The following PSMC6 variants were observed in gnomAD, a reference collection of about 807,000 sequenced individuals.
PSMC6 encodes 26S proteasome regulatory subunit 10B.
A neutral mutation model predicts 55.9 loss-of-function variants in PSMC6; 3 were observed. The observed-to-expected ratio is 0.05, with a 90% CI of 0.02 to 0.14. PSMC6 has a LOEUF of 0.14. Among genes scored for constraint, PSMC6 ranks in the 10% least tolerant of loss-of-function variants. The pLI is 1.00. For synonymous variants in PSMC6, 137 were observed against 155.9 expected, an observed-to-expected ratio of 0.88 and a Z score of 0.90; for missense variants, 210 against 478.7, an observed-to-expected ratio of 0.44 and a Z score of 5.24.
chr14:52,715,619 C>CT lies in PSMC6; in HGVS notation c.529+1665dup, dbSNP rs35579887. 6.9e-3 allele frequency among the ~76,000 whole-genome samples: 974 copies of CT among 140,950 alleles called. 6 individuals are homozygous for CT. The highest frequency in any genetic ancestry group is 0.015 in the African/African-American group (585 of 38,744). The allele number at this position is 140,950 out of a possible 152,430, so 92.5% of individuals were successfully genotyped here. ...GCTTTTTCTTTTTTTCTTTTCTTTT[C>CT]TTTTTTTTTTTTTTGATAAGGTGTT... On this transcript the variant is annotated intron_variant, in intron 7 of 13. Coordinates refer to ENST00000445930, the MANE Select transcript of PSMC6 (RefSeq NM_002806.5).
At position 52,708,347 on chromosome 14, in the gene PSMC6, A is replaced by C. The variant is rs1252120720; in HGVS notation, c.124A>C (p.Lys42Gln). 6.2e-7 allele frequency: 1 copy of C among 1,613,312 alleles called. No individual in the cohort carries two copies. The highest frequency in any genetic ancestry group is 8.5e-7 in the Non-Finnish European group (1 of 1,179,286). Residue 42 changes from lysine (K) to glutamine (Q), a missense_variant, in exon 2 of 14, where the codon AAG becomes CAG. This residue lies in a region of PSMC6 where 101 missense variants were observed against 250.4 expected (regional missense o/e 0.40). Transcript: ENST00000445930. Reference protein sequence around the residue: ...QLKELTKQYEKSENDLKALQS... With the variant: ...QLKELTKQYEQSENDLKALQS... ...AAAAGAACTTACCAAGCAGTATGAA[A>C]AGTCTGAAAATGATCTGAAGGCCCT... is the stretch of plus-strand genomic sequence containing the variant.
At chr14:52,718,022 C>G in intron 7 of PSMC6, 59 bp from the exon 8 acceptor site, 1 of 1,545,366 alleles carries the variant, frequency 6.5e-7, no homozygotes, top group Non-Finnish European at 8.9e-7. Flanking sequence ...GATTGCCTGT[C>G]TCAAAACAAA....
Position 52,727,893 on chromosome 14 carries a change from G to C in PSMC6, c.*276G>C, listed in dbSNP as rs912371298. ...TTTTGTAAAATATTGAAAGTGGTTT[G>C]AGATAGTGGTATAAGAAAGCATTTC... On this transcript the variant is annotated 3_prime_UTR_variant, in exon 14 of 14. Transcript: ENST00000445930. The C allele has an allele frequency of 1.4e-5, 4 of 280,696 alleles. No individual in the cohort carries two copies. Among genetic ancestry groups the C allele is most frequent in the Non-Finnish European group, 2.0e-5 (3 of 147,078 alleles). The allele number at this position is 280,696 out of a possible 1,614,324, so 17.4% of individuals were successfully genotyped here.
At position 52,727,803 on chromosome 14, in the gene PSMC6, T is replaced by C. The variant is rs1880482374; in HGVS notation, c.*186T>C. The C allele has an allele frequency of 6.8e-6, 3 of 443,868 alleles. No homozygotes were observed. The highest frequency in any genetic ancestry group is 2.0e-5 in the African/African-American group (1 of 49,862). 27.5% of individuals were successfully genotyped at this position (443,868 alleles called of 1,614,324 possible). On this transcript the variant is annotated 3_prime_UTR_variant, in exon 14 of 14. Coordinates refer to ENST00000445930, the MANE Select transcript of PSMC6 (RefSeq NM_002806.5). ...GAAGAAATTTGTATGTTTGTTAAAG[T>C]TGCATTTATTGCAGCAAGTTACAAA...
chr14:52,727,469 A>G (rs1308385445), intron 13 of PSMC6, 30 bp from the exon 14 acceptor site: 2 of 1,349,380 alleles, frequency 1.5e-6, no homozygotes, highest in Non-Finnish European at 1.1e-6. Context: ...TATGTGATAT[A>G]TAGCAGTCAT....
chr14:52,717,371 G>A (rs1273620332), intron 7 of PSMC6, among the ~76,000 whole-genome samples: 2 of 111,072 alleles, frequency 1.8e-5, no homozygotes, highest in African/African-American at 7.1e-5. Flanking sequence ...GTCTTGCTCT[G>A]TCACCCAGGC....
chr14:52,717,189 C>T (rs2041838877), intron 7 of PSMC6, among the ~76,000 whole-genome samples: 1 of 151,956 alleles, frequency 6.6e-6, no homozygotes, highest in Non-Finnish European at 1.5e-5. Flanking sequence ...TGTTGATTTG[C>T]CTGATTTAAT....
chr14:52,722,358 T>G (rs1354682715), intron 12 of PSMC6: 1 of 151,562 alleles, frequency 6.6e-6, no homozygotes, highest in Non-Finnish European at 1.5e-5. Flanking sequence ...ATGGAAGAGT[T>G]TATGACCCCC....
intron 13 of PSMC6, among the ~76,000 whole-genome samples, chr14:52,727,018 ATTTT>A (rs66797420): frequency 9.8e-6 from 1 of 102,166 alleles, no homozygotes; most frequent in African/African-American, 4.0e-5. Context: ...ACCGCTATGG[ATTTT>A]TTTTTTTTTT....
intron 13 of PSMC6, 59 bp from the exon 14 acceptor site, chr14:52,727,440 A>T (rs539248322): frequency 6.4e-6 from 7 of 1,085,442 alleles, no homozygotes; most frequent in Admixed American, 2.1e-5. Flanking sequence ...TGTTTTTCTT[A>T]TAATGAACAT....
intron 6 of PSMC6, among the ~76,000 whole-genome samples, chr14:52,712,124 G>C (rs1303153353): frequency 1.3e-5 from 2 of 152,090 alleles, no homozygotes; most frequent in Admixed American, 6.5e-5. Flanking sequence ...TCCTAAATTA[G>C]GCTGTGAATA....
intron 9 of PSMC6, 165 bp from the exon 10 acceptor site, chr14:52,718,812 T>C: frequency 1.6e-6 from 1 of 612,996 alleles, no homozygotes; most frequent in East Asian, 2.9e-5. Context: ...TTTAACAAAA[T>C]GAGAAATGTT....
In PSMC6 at chr14:52,707,471, C is replaced by T. The variant is rs368588072; in HGVS notation, c.85+167C>T. 3.4e-5 allele frequency: 30 copies of T among 885,740 alleles called. No homozygotes were observed. In the East Asian group the frequency reaches 4.1e-4, roughly 12 times the overall value. 54.9% of individuals were successfully genotyped at this position (885,740 alleles called of 1,614,324 possible). A position where few individuals can be genotyped will look rare whatever the true frequency, so the allele number is the denominator to read the frequency against. ...GGCCCTGAGCTTGTGGAGCAGCACT[C>T]CTTCGGGTGTAGAAATGGCCCAGTC... On this transcript the variant is annotated intron_variant, in intron 1 of 13. Coordinates refer to ENST00000445930, the MANE Select transcript of PSMC6 (RefSeq NM_002806.5).
At chr14:52,721,467 G>A (rs1242395821) in intron 12 of PSMC6, 3 of 290,282 alleles carry the variant, frequency 1.0e-5, no homozygotes, top group African/African-American at 4.4e-5. Context: ...GTAAAACAAA[G>A]TATAATAGAT....
chr14:52,714,542 C>T (rs1365699804), intron 7 of PSMC6, among the ~76,000 whole-genome samples: 2 of 152,162 alleles, frequency 1.3e-5, no homozygotes, highest in African/African-American at 4.8e-5. Context: ...TTCATGGACT[C>T]TGTAAGGTCA....
intron 12 of PSMC6, 125 bp downstream of exon 12, chr14:52,721,315 C>A: frequency 3.8e-6 from 3 of 795,946 alleles, no homozygotes; most frequent in Admixed American, 3.3e-5. Context: ...TTAAATTCAG[C>A]AAATAGTTAT....
chr14:52,719,775 A>G (rs1478686001), intron 10 of PSMC6, among the ~76,000 whole-genome samples: 8 of 152,242 alleles, frequency 5.3e-5, no homozygotes, highest in Admixed American at 4.6e-4. Flanking sequence ...ATTTTATTCA[A>G]GTAACTAATA....
chr14:52,716,323 AG>A (rs1360715108), intron 7 of PSMC6, among the ~76,000 whole-genome samples: 2 of 152,382 alleles, frequency 1.3e-5, no homozygotes, highest in Admixed American at 1.3e-4. Context: ...CATATGATTC[AG>A]CAATCCCACT....
At chr14:52,713,806 A>G (rs1030595783) in intron 6 of PSMC6, 75 bp from the exon 7 acceptor site, 191 of 949,870 alleles carry the variant, frequency 2.0e-4, no homozygotes, top group Admixed American at 3.6e-4. Flanking sequence ...CTAAGGTGAT[A>G]TTTGACTTAG....
Sources: allele counts gnomAD v4.1 joint callset (sites outside exome capture counted in the v4.1 genomes callset), GRCh38; gene constraint gnomAD v4.1.1; regional missense constraint gnomAD v4.1.1; transcripts MANE v1.5; gene names NCBI Gene and HGNC (gene_info 2026-07-23, HGNC 2026-07-21).